Variants in NMRK2 observed in about 807,000 individuals in gnomAD.
NMRK2 encodes NRK 2.
A neutral mutation model predicts 24.7 loss-of-function variants in NMRK2; 34 were observed. That is an observed-to-expected ratio of 1.37 (90% CI 1.05 to 1.83). NMRK2 has a LOEUF of 1.83. Ranked by LOEUF, NMRK2 falls within the 40% of genes most tolerant of loss-of-function variation. The pLI is 0.00. For synonymous variants in NMRK2, 145 were observed against 125.6 expected, an observed-to-expected ratio of 1.15 and a Z score of -1.03; for missense variants, 341 against 315.0, an observed-to-expected ratio of 1.08 and a Z score of -0.62.
At chr19:3,934,608 T>C (rs910864564) in intron 2 of NMRK2, among the ~76,000 whole-genome samples, 2 of 150,254 alleles carry the variant, frequency 1.3e-5, no homozygotes, top group African/African-American at 4.9e-5. Flanking sequence ...TGAGACAGAG[T>C]CTTGCTCTGT....
At position 3,933,446 on chromosome 19, in the gene NMRK2, G is replaced by A. The variant is rs1371464989; in HGVS notation, c.-214-12G>A. ...GCCCGGCCAGCTCGTGACTAATTTA[G>A]GCAAAAGGCAGCCTGGAGCTATTTC... On this transcript the variant is annotated splice_polypyrimidine_tract_variant and intron_variant, in intron 1 of 7. Transcript: ENST00000168977. 9.7e-6 allele frequency: 5 copies of A among 513,400 alleles called. No individual in the cohort carries two copies. The highest frequency in any genetic ancestry group is 7.8e-5 in the Admixed American group (2 of 25,592). The allele number at this position is 513,400 out of a possible 1,614,324, so 31.8% of individuals were successfully genotyped here.
chr19:3,940,358 AAAG>A (rs1479898593), intron 6 of NMRK2, among the ~76,000 whole-genome samples: 8 of 148,826 alleles, frequency 5.4e-5, no homozygotes, highest in African/African-American at 2.0e-4. Flanking sequence ...AAAAAAAAAA[AAAG>A]GCGGCCAGGC....
intron 4 of NMRK2, among the ~76,000 whole-genome samples, chr19:3,938,067 C>T (rs544507789): frequency 1.5e-5 from 2 of 130,240 alleles, no homozygotes; most frequent in South Asian, 4.9e-4. Flanking sequence ...CCCCGGGGTC[C>T]ACCCTCCTGC....
At position 3,937,127 on chromosome 19, in the gene NMRK2, C is replaced by T. The variant is rs542699547; in HGVS notation, c.118-113C>T. 151 of 981,902 alleles carry T rather than the reference C, an allele frequency of 1.5e-4. 1 individual carries two copies. In the African/African-American group the frequency reaches 1.6e-3, roughly 10 times the overall value. The allele number at this position is 981,902 out of a possible 1,614,324, so 60.8% of individuals were successfully genotyped here. ...ATCTGAGGGTCAGGCAGAGCCCCCA[C>T]GCCTCAGGGACCTCAGCAGCTCCAG... On this transcript the variant is annotated intron_variant, in intron 3 of 7. Transcript: ENST00000168977.
At chr19:3,938,062 G>C (rs142264793) in intron 4 of NMRK2, among the ~76,000 whole-genome samples, 1 of 130,532 alleles carries the variant, frequency 7.7e-6, no homozygotes, top group Non-Finnish European at 1.7e-5. Flanking sequence ...TGTCCCCCCG[G>C]GGTCCACCCT....
Position 3,938,665 on chromosome 19 carries a change from C to G in NMRK2, c.229C>G (p.Gln77Glu). ...DTVQAWLSSP[Q>E]KFARAHGVSV... ...CGTGCAGGCCTGGCTGAGCAGCCCG[C>G]AGAAGTTTGCCCGTGCCCACGGGGT... Residue 77 changes from glutamine to glutamate, a missense_variant, in exon 5 of 8, where the codon CAG becomes GAG. By Grantham distance (29) the Gln-to-Glu change is conservative. Transcript: ENST00000168977. 1 of 1,612,692 alleles carries G rather than the reference C, an allele frequency of 6.2e-7. No individual in the cohort carries two copies. Among genetic ancestry groups the G allele is most frequent in the Non-Finnish European group, 8.5e-7 (1 of 1,179,430 alleles).
rs773232246 is a variant in NMRK2 at position 3,942,080 on chromosome 19, C to T, written c.503-3C>T. Reference sequence around the variant, plus strand: ...AGCCCTGACGCAGCCTTTCTGATTTCAGTCTACCTGGACGGCATGAAGTCC... The same window carrying T: ...AGCCCTGACGCAGCCTTTCTGATTTTAGTCTACCTGGACGGCATGAAGTCC... On this transcript the variant is annotated splice_polypyrimidine_tract_variant and splice_region_variant and intron_variant, in intron 7 of 7. Coordinates refer to ENST00000168977, the MANE Select transcript of NMRK2 (RefSeq NM_170678.3). 1.2e-6 allele frequency: 2 copies of T among 1,611,558 alleles called. No individual in the cohort carries two copies. Among genetic ancestry groups the T allele is most frequent in the African/African-American group, 1.3e-5 (1 of 74,888 alleles).
At chr19:3,941,007 C>CG in intron 6 of NMRK2, 64 bp from the exon 7 acceptor site, 2 of 1,077,288 alleles carry the variant, frequency 1.9e-6, no homozygotes, top group Non-Finnish European at 2.8e-6. Flanking sequence ...GGCCCCCCAC[C>CG]GGGGGTATAT....
At chr19:3,939,458 A>G (rs889796181) in intron 5 of NMRK2, among the ~76,000 whole-genome samples, 6 of 151,896 alleles carry the variant, frequency 4.0e-5, no homozygotes, top group Non-Finnish European at 7.4e-5. Flanking sequence ...AGGTTGCAGT[A>G]AGCCGAGATC....
Position 3,942,242 on chromosome 19 carries a change from G to A in NMRK2, c.662G>A (p.Arg221Lys), listed in dbSNP as rs780174331. The change falls in exon 8 of 8, where the codon AGG becomes AAG. Residue 221 changes from arginine to lysine, a missense_variant. Physicochemically the swap from Arg to Lys is conservative, Grantham distance 26 (BLOSUM62 2). Transcript: ENST00000168977. ...CGCGGATGCGGCCACAGAACGGCCA[G>A]GCCTGCAGCGTCCCAGCAGGACAGC... is the stretch of plus-strand genomic sequence containing the variant. ...PGRGCGHRTARPAASQQDSM is the reference protein window; with the variant it reads ...PGRGCGHRTAKPAASQQDSM 5.6e-6 allele frequency: 9 copies of A among 1,611,680 alleles called. No individual in the cohort carries two copies. Among genetic ancestry groups the A allele is most frequent in the Non-Finnish European group, 7.6e-6 (9 of 1,179,582 alleles).
intron 4 of NMRK2, 124 bp from the exon 5 acceptor site, chr19:3,938,479 C>T: frequency 2.6e-6 from 2 of 760,500 alleles, no homozygotes; most frequent in Non-Finnish European, 3.8e-6. Context: ...CCCCGGGGTC[C>T]ACCCTCCTGC....
intron 4 of NMRK2, 102 bp from the exon 5 acceptor site, chr19:3,938,501 C>T (rs114415877): frequency 0.015 from 16,149 of 1,081,222 alleles, 150 homozygotes; most frequent in African/African-American, 0.026. Context: ...ATGCCCGCTC[C>T]CCATCCACCG....
chr19:3,936,709 G>A lies in NMRK2; in HGVS notation c.117+44G>A, dbSNP rs528117037. The A allele has an allele frequency of 2.7e-6, 4 of 1,502,204 alleles. No individual in the cohort carries two copies. The East Asian group carries it at 9.9e-5, about 37-fold the overall frequency. The allele number at this position is 1,502,204 out of a possible 1,614,324, so 93.1% of individuals were successfully genotyped here. On this transcript the variant is annotated intron_variant, in intron 3 of 7. Coordinates refer to ENST00000168977, the MANE Select transcript of NMRK2 (RefSeq NM_170678.3). ...GGAGGTGGAGCTGAGAGGGGATGCA[G>A]GGTGGGCAGCCAGGCCCGGCCAGCC... is the stretch of plus-strand genomic sequence containing the variant.
chr19:3,933,463 A>G lies in NMRK2; in HGVS notation c.-209A>G, dbSNP rs2039150393. 2 of 528,244 alleles carry G rather than the reference A, an allele frequency of 3.8e-6. No individual in the cohort carries two copies. Among genetic ancestry groups the G allele is most frequent in the South Asian group, 4.8e-5 (2 of 42,102 alleles). 32.7% of individuals were successfully genotyped at this position (528,244 alleles called of 1,614,324 possible). On this transcript the variant is annotated 5_prime_UTR_variant, in exon 2 of 8. Transcript: ENST00000168977. The stretch of plus-strand genomic sequence containing the variant: ...CTAATTTAGGCAAAAGGCAGCCTGG[A>G]GCTATTTCCATTCGGCGGCGGGAAC...
chr19:3,938,822 GTTTTTTTTTT>G, intron 5 of NMRK2, 63 bp downstream of exon 5: 5 of 180,982 alleles, frequency 2.8e-5, no homozygotes, highest in Middle Eastern at 1.6e-3. Flanking sequence ...GCCATCTCTT[GTTTTTTTTTT>G]TTTTTTTTTT....
rs567953250 is a variant in NMRK2, at chr19:3,939,463, G to A, written c.324-437G>A. ...CGGGAAGTGGAGGTTGCAGTAAGCC[G>A]AGATCGCACCACTGCACTCCAGCCT... On this transcript the variant is annotated intron_variant, in intron 5 of 7. Coordinates refer to ENST00000168977, the MANE Select transcript of NMRK2 (RefSeq NM_170678.3). Among the ~76,000 whole-genome samples the A allele has an allele frequency of 2.0e-4, 31 of 151,996 alleles. No individual in the cohort carries two copies. In the East Asian group the frequency reaches 5.3e-3, roughly 26 times the overall value.
rs781300477 is a variant in NMRK2, at chr19:3,939,885, C to G, written c.324-15C>G. On this transcript the variant is annotated splice_polypyrimidine_tract_variant and intron_variant, in intron 5 of 7. Transcript: ENST00000168977. The stretch of plus-strand genomic sequence containing the variant: ...AGCTCACAGGTGCTGACCGTGTCTC[C>G]CCCACTCCGCCCAGGCCCCTGGTGG... 33 of 1,610,788 alleles carry G rather than the reference C, an allele frequency of 2.0e-5. No homozygotes were observed. The highest frequency in any genetic ancestry group is 2.8e-5 in the Non-Finnish European group (33 of 1,177,368).
chr19:3,938,542 G>T, intron 4 of NMRK2, 61 bp from the exon 5 acceptor site: 1 of 1,432,842 alleles, frequency 7.0e-7, no homozygotes. Context: ...TGCAATGCCC[G>T]CTCCCCGTCC....
In NMRK2 at chr19:3,933,480, G is replaced by A. The variant is rs981311243; in HGVS notation, c.-192G>A. 1.5e-5 allele frequency: 8 copies of A among 547,084 alleles called. No homozygotes were observed. Among genetic ancestry groups the A allele is most frequent in the Admixed American group, 1.1e-4 (3 of 26,364 alleles). 33.9% of individuals were successfully genotyped at this position (547,084 alleles called of 1,614,324 possible). On this transcript the variant is annotated 5_prime_UTR_variant, in exon 2 of 8. Coordinates refer to ENST00000168977, the MANE Select transcript of NMRK2 (RefSeq NM_170678.3). ...CAGCCTGGAGCTATTTCCATTCGGC[G>A]GCGGGAACAGGTGCCGGCGCCTCCG... is the stretch of plus-strand genomic sequence containing the variant.
Sources: gnomAD v4.1 joint callset for allele counts (sites outside exome capture counted in the v4.1 genomes callset) on GRCh38, gnomAD v4.1.1 for gene constraint, MANE v1.5 for transcripts, NCBI Gene and HGNC (gene_info 2026-07-23, HGNC 2026-07-21) for gene names.